NCALD: variants seen among roughly 807,000 people sequenced by gnomAD.
The protein encoded by NCALD is neurocalcin-delta.
A neutral mutation model predicts 18.6 loss-of-function variants in NCALD; 10 were observed. The ratio of observed to expected loss-of-function variants is 0.54; its 90% CI spans 0.33 to 0.91. The LOEUF (loss-of-function observed/expected upper bound fraction) is 0.91. Ranked by LOEUF, NCALD falls within the 40% of genes least tolerant of loss-of-function variation. NCALD has a pLI of 0.03. For synonymous variants in NCALD, 88 were observed against 87.4 expected (o/e 1.01, Z -0.04); for missense variants, 184 against 247.6 (o/e 0.74, Z 1.72).
chr8:101,930,357 TG>T (rs1818527716), intron 2 of NCALD, among the ~76,000 whole-genome samples: 2 of 152,110 alleles, frequency 1.3e-5, no homozygotes, highest in Admixed American at 1.3e-4. Context: ...ATCTCCCTGC[TG>T]ATCAATGCTA....
chr8:101,895,348 T>C (rs1436144598), intron 3 of NCALD, among the ~76,000 whole-genome samples: 1 of 139,246 alleles, frequency 7.2e-6, no homozygotes, highest in Non-Finnish European at 1.5e-5. Context: ...AAATTAGGTA[T>C]TGATGGGACA....
intron 2 of NCALD, among the ~76,000 whole-genome samples, chr8:101,946,381 A>G (rs556018537): frequency 2.0e-4 from 31 of 152,324 alleles, no homozygotes; most frequent in African/African-American, 6.5e-4. Flanking sequence ...TAAGAAACCA[A>G]TTGCAACAAA....
chr8:101,902,754 G>A (rs562529130), intron 3 of NCALD, among the ~76,000 whole-genome samples: 30 of 152,198 alleles, frequency 2.0e-4, no homozygotes, highest in African/African-American at 5.3e-4. Context: ...CCCCCAGCAT[G>A]TGCTTCCTCC....
At chr8:102,093,036 T>C (rs956423342) in intron 1 of NCALD, among the ~76,000 whole-genome samples, 5 of 152,050 alleles carry the variant, frequency 3.3e-5, no homozygotes, top group Admixed American at 6.6e-5. Context: ...TTTACACCTG[T>C]AGATCCAGCT....
intron 2 of NCALD, among the ~76,000 whole-genome samples, chr8:101,710,078 T>C (rs1815712943): frequency 6.6e-6 from 1 of 152,110 alleles, no homozygotes; most frequent in African/African-American, 2.4e-5. Context: ...AGGTACCCAG[T>C]TCATCTCATT....
At chr8:102,107,501 CA>C (rs1238542475) in intron 1 of NCALD, among the ~76,000 whole-genome samples, 1 of 151,920 alleles carries the variant, frequency 6.6e-6, no homozygotes, top group Non-Finnish European at 1.5e-5. Context: ...CTCTAAAAAT[CA>C]GAGAACTAAA....
intron 1 of NCALD, among the ~76,000 whole-genome samples, chr8:102,117,820 C>A (rs1825836580): frequency 6.6e-6 from 1 of 152,116 alleles, no homozygotes; most frequent in Non-Finnish European, 1.5e-5. Flanking sequence ...ACAGCCAAGC[C>A]AAGTTTGTAC....
At chr8:102,062,611 CACA>C (rs1227746383) in intron 1 of NCALD, among the ~76,000 whole-genome samples, 2 of 152,242 alleles carry the variant, frequency 1.3e-5, no homozygotes, top group Non-Finnish European at 1.5e-5. Flanking sequence ...CTCAGTCTCA[CACA>C]ACAATAAACA....
chr8:101,818,832 C>G (rs901205924), intron 4 of NCALD, among the ~76,000 whole-genome samples: 1 of 151,954 alleles, frequency 6.6e-6, no homozygotes, highest in African/African-American at 2.4e-5. Context: ...TGGTGAAACC[C>G]CATCTCTACT....
chr8:101,791,964 C>A (rs528244441), upstream of NCALD, among the ~76,000 whole-genome samples: 1 of 152,208 alleles, frequency 6.6e-6, no homozygotes, highest in Non-Finnish European at 1.5e-5. Context: ...TGCACACGTG[C>A]CTATTTCCCA....
chr8:101,900,216 A>G (rs141229846), intron 3 of NCALD, among the ~76,000 whole-genome samples: 158 of 151,954 alleles, frequency 1.0e-3, no homozygotes, highest in African/African-American at 3.7e-3. Context: ...TCCCCTTTGT[A>G]ATTCCAGATA....
intron 2 of NCALD, among the ~76,000 whole-genome samples, chr8:101,943,773 T>C (rs1437481173): frequency 1.3e-5 from 2 of 152,012 alleles, no homozygotes; most frequent in Non-Finnish European, 2.9e-5. Flanking sequence ...ACCCCGTCTC[T>C]ACTAAAAATA....
rs71268530 is a variant in NCALD, at chr8:101,801,643, CT to C, written c.-19-81996del. Among the ~76,000 whole-genome samples the C allele has an allele frequency of 2.2e-3, 95 of 44,172 alleles. 2 individuals carry two copies. The highest frequency in any genetic ancestry group is 4.5e-3 in the African/African-American group (83 of 18,460). The allele number at this position is 44,172 out of a possible 152,430, so 29.0% of individuals were successfully genotyped here. A position where few individuals can be genotyped will look rare whatever the true frequency, so the allele number is the denominator to read the frequency against. ...TCTCTATGATTTACAAGCACACTTA[CT>C]TTTTTTTTTTTTTTTTTTTTTTTTT... On this transcript the variant is annotated intron_variant, in intron 4 of 6. Coordinates refer to the NCALD transcript ENST00000311028.
chr8:101,719,604 C>G lies in NCALD; in HGVS notation c.26G>C (p.Arg9Pro). 6.3e-7 allele frequency: 1 copy of G among 1,596,474 alleles called. No individual in the cohort carries two copies. Residue 9 changes from arginine (R) to proline (P), a missense_variant, in exon 2 of 4, where the codon CGC (arginine) becomes CCC (proline). Transcript: ENST00000220931. MGKQNSKL[R>P]PEVMQDLLES... ...CAGCAAGTCCTGCATGACCTCCGGGCGCAGCTTGCTGTTCTGTTTCCCCAT... is the reference window on the plus strand; with the variant it reads ...CAGCAAGTCCTGCATGACCTCCGGGGGCAGCTTGCTGTTCTGTTTCCCCAT...
intron 1 of NCALD, among the ~76,000 whole-genome samples, chr8:101,769,680 A>T (rs764229439): frequency 6.6e-6 from 1 of 151,682 alleles, no homozygotes; most frequent in Non-Finnish European, 1.5e-5. Context: ...CTTACCTGCA[A>T]CGGCATCTTT....
intron 1 of NCALD, among the ~76,000 whole-genome samples, chr8:102,040,085 C>T (rs1822996036): frequency 6.6e-6 from 1 of 152,124 alleles, no homozygotes; most frequent in Non-Finnish European, 1.5e-5. Context: ...GATGCAATAA[C>T]ATGTACTTCC....
intron 1 of NCALD, among the ~76,000 whole-genome samples, chr8:101,729,755 A>T (rs945741477): frequency 6.6e-6 from 1 of 152,158 alleles, no homozygotes; most frequent in East Asian, 1.9e-4. Context: ...AGTCTCCAAA[A>T]TATCAGAGAC....
chr8:101,829,852 T>C (rs1814095230), intron 4 of NCALD, among the ~76,000 whole-genome samples: 1 of 152,176 alleles, frequency 6.6e-6, no homozygotes. Context: ...TCTCTCTCTA[T>C]TCCAACAGTA....
chr8:102,045,906 C>T (rs1371191487), intron 1 of NCALD, among the ~76,000 whole-genome samples: 1 of 152,194 alleles, frequency 6.6e-6, no homozygotes, highest in African/African-American at 2.4e-5. Flanking sequence ...ATCTCAAAGA[C>T]AAAGTTCACC....
Sources: allele counts gnomAD v4.1 joint callset (sites outside exome capture counted in the v4.1 genomes callset), GRCh38; gene constraint gnomAD v4.1.1; transcripts MANE v1.5; gene names NCBI Gene and HGNC (gene_info 2026-07-23, HGNC 2026-07-21).